Variants in PLA2R1 observed in about 807,000 individuals in gnomAD.
The protein encoded by PLA2R1 is phospholipase A2 receptor 1, also known as secretory phospholipase A2 receptor.
Under a neutral mutation model 195.9 loss-of-function variants are expected in PLA2R1, and 158 were observed. The observed-to-expected ratio is 0.81, with a 90% CI of 0.71 to 0.92. PLA2R1 has a LOEUF of 0.92. Ranked by LOEUF, PLA2R1 falls within the 40% of genes least tolerant of loss-of-function variation. The pLI, the probability that PLA2R1 is intolerant of heterozygous loss-of-function variation, is 0.00. For missense variants in PLA2R1, 1,626 were observed against 1,764.6 expected (o/e 0.92, Z 1.41); for synonymous variants, 586 against 598.2 (o/e 0.98, Z 0.30).
At chr2:159,971,919 C>T (rs1689215488) in intron 17 of PLA2R1, among the ~76,000 whole-genome samples, 1 of 151,928 alleles carries the variant, frequency 6.6e-6, no homozygotes, top group South Asian at 2.1e-4. Flanking sequence ...ATTTTGTATC[C>T]CTGAGGTGTT....
chr2:159,963,627 CA>C (rs1482047210), intron 20 of PLA2R1, among the ~76,000 whole-genome samples: 3 of 152,116 alleles, frequency 2.0e-5, no homozygotes, highest in African/African-American at 7.2e-5. Context: ...GGCTAACAAG[CA>C]CATGAAACGA....
At chr2:160,044,277 T>G (rs2105610427) in intron 2 of PLA2R1, among the ~76,000 whole-genome samples, 1 of 152,294 alleles carries the variant, frequency 6.6e-6, no homozygotes, top group South Asian at 2.1e-4. Flanking sequence ...TCTCTTCAAG[T>G]GACTTGTAAC....
chr2:160,006,306 GAGAA>G (rs1408050551), intron 10 of PLA2R1, among the ~76,000 whole-genome samples: 1 of 152,222 alleles, frequency 6.6e-6, no homozygotes, highest in Non-Finnish European at 1.5e-5. Context: ...CTTGCCTGGT[GAGAA>G]AGAAACAGAA....
intron 11 of PLA2R1, among the ~76,000 whole-genome samples, chr2:159,989,841 T>C (rs1465261153): frequency 6.6e-6 from 1 of 152,224 alleles, no homozygotes; most frequent in Admixed American, 6.5e-5. Context: ...AAATGTAATA[T>C]ACTTTTTTGT....
chr2:160,034,839 C>T lies in PLA2R1; in HGVS notation c.668-1707G>A, dbSNP rs568054814. Among the ~76,000 whole-genome samples the T allele has an allele frequency of 1.3e-3, 175 of 133,670 alleles. 1 individual carries two copies. Among genetic ancestry groups the T allele is most frequent in the Non-Finnish European group, 2.6e-3 (143 of 55,442 alleles). The allele number at this position is 133,670 out of a possible 152,430, so 87.7% of individuals were successfully genotyped here. ...ATCCCAGCCCTTTGGGAAGCTGAGG[C>T]GGGTGGATTGCTTGAGCCCAGGAGT... On this transcript the variant is annotated intron_variant, in intron 3 of 29. Transcript: ENST00000283243.
chr2:159,958,764 T>C (rs1241938243), intron 20 of PLA2R1, among the ~76,000 whole-genome samples: 2 of 152,146 alleles, frequency 1.3e-5, no homozygotes, highest in Non-Finnish European at 2.9e-5. Context: ...ACTGTTACAG[T>C]TGGGGAGGGG....
At chr2:160,042,811 G>A (rs1573960837) in intron 2 of PLA2R1, among the ~76,000 whole-genome samples, 2 of 27,072 alleles carry the variant, frequency 7.4e-5, no homozygotes, top group East Asian at 7.9e-4. Context: ...GTGTGTGTGT[G>A]TGTGTGTGTG....
chr2:160,041,971 CT>C, intron 3 of PLA2R1, 53 bp downstream of exon 3: 1 of 1,403,062 alleles, frequency 7.1e-7, no homozygotes, highest in Admixed American at 1.8e-5. Flanking sequence ...AGATAACTTT[CT>C]AATCATCTTT....
intron 10 of PLA2R1, among the ~76,000 whole-genome samples, chr2:160,011,596 T>TA (rs1197500087): frequency 3.3e-5 from 5 of 152,032 alleles, no homozygotes; most frequent in African/African-American, 9.7e-5. Flanking sequence ...GAATAAGACA[T>TA]AAAAAACAGG....
intron 17 of PLA2R1, among the ~76,000 whole-genome samples, chr2:159,971,474 G>A (rs1055292686): frequency 6.6e-4 from 83 of 125,868 alleles, no homozygotes; most frequent in African/African-American, 1.8e-3. Context: ...GTGTGTGCGC[G>A]CACACACACA....
chr2:159,972,426 T>G (rs1689253572), intron 17 of PLA2R1, among the ~76,000 whole-genome samples: 1 of 152,188 alleles, frequency 6.6e-6, no homozygotes, highest in South Asian at 2.1e-4. Context: ...ATCAACTATG[T>G]TTTGGTATTT....
At chr2:160,015,214 T>C (rs1203349373) in intron 9 of PLA2R1, among the ~76,000 whole-genome samples, 1 of 152,216 alleles carries the variant, frequency 6.6e-6, no homozygotes, top group Non-Finnish European at 1.5e-5. Flanking sequence ...AAGGAATTGC[T>C]CATATTGTCC....
chr2:159,927,445 A>G (rs1054124906), downstream of PLA2R1, among the ~76,000 whole-genome samples: 3 of 152,188 alleles, frequency 2.0e-5, no homozygotes, highest in African/African-American at 7.2e-5. Flanking sequence ...ATCTAGGGCC[A>G]TAGGGGGATA....
chr2:159,983,170 A>G lies in PLA2R1; in HGVS notation c.2183+758T>C, dbSNP rs113217389. Among the ~76,000 whole-genome samples, 573 of 152,288 alleles carry G rather than the reference A, an allele frequency of 3.8e-3. 1 individual carries two copies. Among genetic ancestry groups the G allele is most frequent in the African/African-American group, 0.013 (541 of 41,562 alleles). ...GGAGGCAGATTTCTGGCTTATTAGA[A>G]AACTACTCTTTGAAACCAGGCTTCT... On this transcript the variant is annotated intron_variant, in intron 13 of 29. Coordinates refer to ENST00000283243, the MANE Select transcript of PLA2R1 (RefSeq NM_007366.5).
intron 7 of PLA2R1, among the ~76,000 whole-genome samples, chr2:160,020,582 A>C (rs563715211): frequency 6.6e-6 from 1 of 152,202 alleles, no homozygotes; most frequent in Non-Finnish European, 1.5e-5. Context: ...CTAATGGATT[A>C]ACTAGTTCTC....
rs571201248 is a variant in PLA2R1 at position 160,003,572 on chromosome 2, A to T, written c.1834+2080T>A. ...TGCTCAAATAACTAAATGAAAAGGT[A>T]GACATTAAAAGAATAGTAAAACTTT... On this transcript the variant is annotated intron_variant, in intron 11 of 29. Coordinates refer to ENST00000283243, the MANE Select transcript of PLA2R1 (RefSeq NM_007366.5). Among the ~76,000 whole-genome samples the T allele has an allele frequency of 2.0e-5, 3 of 152,324 alleles. No homozygotes were observed. The East Asian group carries it at 5.8e-4, about 29-fold the overall frequency.
intron 16 of PLA2R1, 104 bp from the exon 17 acceptor site, chr2:159,976,329 CACACACACAGGAATTTGA>C: frequency 1.5e-6 from 1 of 686,784 alleles, no homozygotes; most frequent in Admixed American, 3.1e-5. Context: ...TAATTGTATA[CACACACACAGGAATTTGA>C]ACACACACAC....
At chr2:160,021,416 T>C (rs1693108618) in intron 7 of PLA2R1, among the ~76,000 whole-genome samples, 1 of 152,184 alleles carries the variant, frequency 6.6e-6, no homozygotes, top group African/African-American at 2.4e-5. Flanking sequence ...ATATGGTATA[T>C]ATATATACAC....
chr2:159,944,687 T>C (rs1169281150), intron 28 of PLA2R1, among the ~76,000 whole-genome samples: 7 of 152,226 alleles, frequency 4.6e-5, no homozygotes, highest in Admixed American at 4.6e-4. Flanking sequence ...AGAAAAATCA[T>C]AGTCTTTGAG....
Sources: allele counts gnomAD v4.1 joint callset (sites outside exome capture counted in the v4.1 genomes callset), GRCh38; gene constraint gnomAD v4.1.1; transcripts MANE v1.5; gene names NCBI Gene and HGNC (gene_info 2026-07-23, HGNC 2026-07-21).